FAM3D: variants seen among roughly 807,000 people sequenced by gnomAD.
FAM3D encodes the protein protein FAM3D.
FAM3D carries 26 observed loss-of-function variants against 29.8 expected under a neutral mutation model. The observed-to-expected ratio is 0.87, with a 90% confidence interval of 0.64 to 1.21. FAM3D has a LOEUF of 1.21. Among genes scored for constraint, FAM3D ranks in the 50% most tolerant of loss-of-function variants. FAM3D has a pLI of 0.00. For synonymous variants in FAM3D, 115 were observed against 102.3 expected (o/e 1.12, Z -0.75); for missense variants, 253 against 290.9 (o/e 0.87, Z 0.95).
intron 2 of FAM3D, among the ~76,000 whole-genome samples, chr3:58,655,178 A>AG (rs2066756212): frequency 1.3e-5 from 2 of 152,174 alleles, no homozygotes; most frequent in Admixed American, 6.5e-5. Flanking sequence ...ATCTGTACAA[A>AG]GGGGGATACA....
At chr3:58,646,327 C>T (rs1413558349) in intron 4 of FAM3D, among the ~76,000 whole-genome samples, 2 of 152,234 alleles carry the variant, frequency 1.3e-5, no homozygotes, top group Non-Finnish European at 2.9e-5. Flanking sequence ...CCACTGGGTA[C>T]TCACTAAGTG....
chr3:58,634,461 G>T lies in FAM3D; in HGVS notation c.586-93C>A. Reference sequence around the variant, plus strand: ...ACACTGTGCTCTAAACCTAAATGGGGGTGTGGGATGTTATTAACCCACTTC... The same window carrying T: ...ACACTGTGCTCTAAACCTAAATGGGTGTGTGGGATGTTATTAACCCACTTC... On this transcript the variant is annotated intron_variant, in intron 9 of 9. Transcript: ENST00000358781. The surrounding 1 kb of genome is among the most constrained non-coding windows in gnomAD (Gnocchi z 4.6). The T allele has an allele frequency of 8.9e-7, 1 of 1,122,418 alleles. No individual in the cohort carries two copies. The highest frequency in any genetic ancestry group is 1.3e-6 in the Non-Finnish European group (1 of 771,684). The allele number at this position is 1,122,418 out of a possible 1,614,324, so 69.5% of individuals were successfully genotyped here. A position where few individuals can be genotyped will look rare whatever the true frequency, so the allele number is the denominator to read the frequency against.
At chr3:58,655,636 A>C in intron 1 of FAM3D, 35 bp from the exon 2 acceptor site, 2 of 1,566,256 alleles carry the variant, frequency 1.3e-6, no homozygotes, top group African/African-American at 1.3e-5. Context: ...GGAAACTGGC[A>C]TCAGGTCTGC....
chr3:58,665,541 A>G (rs1351011574), intron 1 of FAM3D, among the ~76,000 whole-genome samples: 1 of 152,194 alleles, frequency 6.6e-6, no homozygotes, highest in Non-Finnish European at 1.5e-5. Flanking sequence ...CATCTTGTTA[A>G]TCATTGTGTC....
chr3:58,634,500 CT>C lies in FAM3D; in HGVS notation c.586-133del. ...TTAACCCACTTCACAGATGGGGAAA[CT>C]GAGGCTCAGAGAGGGGATGCAACTT... is the stretch of plus-strand genomic sequence containing the variant. On this transcript the variant is annotated intron_variant, in intron 9 of 9. Transcript: ENST00000358781. This position sits in a 1 kb window ranked among gnomAD's most constrained non-coding sequence, Gnocchi z 4.6. The C allele has an allele frequency of 1.3e-6, 1 of 741,236 alleles. No individual in the cohort carries two copies. Among genetic ancestry groups the C allele is most frequent in the East Asian group, 2.8e-5 (1 of 35,368 alleles). 45.9% of individuals were successfully genotyped at this position (741,236 alleles called of 1,614,324 possible).
chr3:58,644,715 T>C (rs1003920178), intron 5 of FAM3D, among the ~76,000 whole-genome samples: 2 of 152,038 alleles, frequency 1.3e-5, no homozygotes, highest in Admixed American at 1.3e-4. Flanking sequence ...TGGGCTAATA[T>C]GTCAAACCAG....
At chr3:58,648,457 G>A (rs534599365) in intron 4 of FAM3D, among the ~76,000 whole-genome samples, 1 of 152,156 alleles carries the variant, frequency 6.6e-6, no homozygotes, top group East Asian at 1.9e-4. Flanking sequence ...GGTGGAGGGG[G>A]TTTGACTTCT....
intron 2 of FAM3D, among the ~76,000 whole-genome samples, chr3:58,654,295 C>T (rs1480853208): frequency 6.6e-6 from 1 of 152,246 alleles, no homozygotes; most frequent in African/African-American, 2.4e-5. Context: ...TGGTAACACC[C>T]TTGCCCCTGA....
chr3:58,648,964 G>A (rs1182791833), intron 4 of FAM3D, among the ~76,000 whole-genome samples: 1 of 152,222 alleles, frequency 6.6e-6, no homozygotes, highest in Non-Finnish European at 1.5e-5. Context: ...GGGTTAAGGA[G>A]CACAGCCCTG....
At chr3:58,643,777 T>C in intron 5 of FAM3D, 57 bp from the exon 6 acceptor site, 1 of 1,521,656 alleles carries the variant, frequency 6.6e-7, no homozygotes, top group Non-Finnish European at 9.1e-7. Flanking sequence ...ATGAACACTC[T>C]GCTCTCCCAG....
intron 4 of FAM3D, among the ~76,000 whole-genome samples, chr3:58,648,492 C>T (rs1404959828): frequency 1.3e-5 from 2 of 151,924 alleles, no homozygotes; most frequent in South Asian, 4.2e-4. Flanking sequence ...AGCTGTGTGA[C>T]CCTGGCCAAA....
chr3:58,637,270 C>A (rs771522938), intron 7 of FAM3D, 45 bp from the exon 8 acceptor site: 1 of 1,532,156 alleles, frequency 6.5e-7, no homozygotes, highest in Non-Finnish European at 8.9e-7. Context: ...GGGAAATGAG[C>A]CCTGGTCATT....
At chr3:58,655,363 G>T (rs1672350006) in intron 2 of FAM3D, among the ~76,000 whole-genome samples, 188 bp downstream of exon 2, 2 of 152,174 alleles carry the variant, frequency 1.3e-5, no homozygotes, top group African/African-American at 4.8e-5. Flanking sequence ...CTGTGCAAAA[G>T]TTCCTCATGC....
Position 58,637,203 on chromosome 3 carries a change from G to A in FAM3D, c.396C>T (p.Phe132=), listed in dbSNP as rs766683383. Residue 132 remains phenylalanine (F), a synonymous_variant, in exon 8 of 10, where the codon TTC becomes TTT. Transcript: ENST00000358781. ...GTGCACCCCCCGGAATTTCTTTAAG[G>A]AATTTCACTAGGTGCATAACATCTG... ...YSGDVMHLVK[F]LKEIPGGALV... The A allele has an allele frequency of 1.2e-5, 20 of 1,613,602 alleles. No individual in the cohort carries two copies. Among genetic ancestry groups the A allele is most frequent in the Non-Finnish European group, 1.7e-5 (20 of 1,179,902 alleles).
intron 7 of FAM3D, among the ~76,000 whole-genome samples, chr3:58,637,878 G>GATTATTATTATTATT (rs9311680): frequency 0.091 from 13,517 of 148,524 alleles, 723 homozygotes; most frequent in African/African-American, 0.1. Flanking sequence ...TTTCCCTTGT[G>GATTATTATTATTATT]ATTATTATTA....
intron 4 of FAM3D, among the ~76,000 whole-genome samples, chr3:58,646,352 G>T (rs2066480026): frequency 6.6e-6 from 1 of 152,224 alleles, no homozygotes; most frequent in African/African-American, 2.4e-5. Flanking sequence ...CTCTGGTGAT[G>T]CTGGCTGTTC....
intron 1 of FAM3D, among the ~76,000 whole-genome samples, chr3:58,656,075 C>T (rs2066788744): frequency 8.6e-6 from 1 of 115,778 alleles, no homozygotes; most frequent in Admixed American, 8.3e-5. Flanking sequence ...ATTTAGCCCT[C>T]CTTCCCTTCC....
rs2106782570 is a variant in FAM3D, at chr3:58,643,720, C to T, written c.264G>A (p.Met88Ile). 1.2e-6 allele frequency: 2 copies of T among 1,613,934 alleles called. No individual in the cohort carries two copies. Among genetic ancestry groups the T allele is most frequent in the East Asian group, 4.5e-5 (2 of 44,886 alleles). The change falls in exon 6 of 10, where the codon ATG (methionine) becomes ATA (isoleucine). Residue 88 changes from methionine to isoleucine, a missense_variant and splice_region_variant. By Grantham distance (10) the Met-to-Ile change is conservative (BLOSUM62 1). Coordinates refer to ENST00000358781, the MANE Select transcript of FAM3D (RefSeq NM_138805.3). ...VGPTMCFEDRMIMSPVKNNVG... is the reference protein window; with the variant it reads ...VGPTMCFEDRIIMSPVKNNVG... ...CATTGTTTTTCACAGGACTCATGATCCTGAAGACAATGAAGAAGAAATATG... is the reference window on the plus strand; with the variant it reads ...CATTGTTTTTCACAGGACTCATGATTCTGAAGACAATGAAGAAGAAATATG...
At chr3:58,665,721 T>C (rs1477784233) in intron 1 of FAM3D, among the ~76,000 whole-genome samples, 3 of 152,228 alleles carry the variant, frequency 2.0e-5, no homozygotes, top group African/African-American at 4.8e-5. Context: ...GGGGAAGTTA[T>C]TAAATCTCTC....
Sources: allele counts gnomAD v4.1 joint callset (sites outside exome capture counted in the v4.1 genomes callset), GRCh38; gene constraint gnomAD v4.1.1; non-coding constraint Gnocchi (gnomAD v3.1); transcripts MANE v1.5; gene names NCBI Gene and HGNC (gene_info 2026-07-23, HGNC 2026-07-21).